Variants in KIAA0825 observed in about 807,000 individuals in gnomAD.
KIAA0825 encodes the protein uncharacterized protein KIAA0825.
A neutral mutation model predicts 147.6 loss-of-function variants in KIAA0825; 119 were observed. The ratio of observed to expected loss-of-function variants is 0.81; its 90% CI spans 0.69 to 0.94. The LOEUF is 0.94. Ranked by LOEUF, KIAA0825 falls within the 40% of genes least tolerant of loss-of-function variation. The pLI, the probability that KIAA0825 is intolerant of heterozygous loss-of-function variation, is 0.00. For synonymous variants in KIAA0825, 470 were observed against 518.1 expected (o/e 0.91, Z 1.26); for missense variants, 1,381 against 1,472.7 (o/e 0.94, Z 1.02).
chr5:94,477,439 A>G (rs757863933), intron 6 of KIAA0825, among the ~76,000 whole-genome samples: 6 of 152,020 alleles, frequency 3.9e-5, no homozygotes, highest in Admixed American at 6.6e-5. Flanking sequence ...CCTTTTTCAC[A>G]TAAAACTTGA....
intron 20 of KIAA0825, among the ~76,000 whole-genome samples, chr5:94,331,150 GAA>G (rs980088213): frequency 5.4e-5 from 8 of 147,242 alleles, no homozygotes; most frequent in African/African-American, 1.7e-4. Flanking sequence ...AAAAAAGAAA[GAA>G]AGAGAGAGAG....
At chr5:94,290,855 GT>G (rs1777858191) in intron 20 of KIAA0825, among the ~76,000 whole-genome samples, 1 of 152,116 alleles carries the variant, frequency 6.6e-6, no homozygotes, top group African/African-American at 2.4e-5. Flanking sequence ...ATTCAATGTG[GT>G]TTTGATTTGC....
At chr5:94,162,174 C>T (rs368534429) in intron 20 of KIAA0825, among the ~76,000 whole-genome samples, 7 of 152,278 alleles carry the variant, frequency 4.6e-5, no homozygotes, top group African/African-American at 1.7e-4. Flanking sequence ...GGTTACTTAT[C>T]ATTTCCAGAG....
At chr5:94,351,052 T>C (rs10065225) in intron 20 of KIAA0825, among the ~76,000 whole-genome samples, 2,955 of 152,144 alleles carry the variant, frequency 0.019, 44 homozygotes, top group Non-Finnish European at 0.029. Context: ...AATGTAGTAC[T>C]GGAAGTCCTA....
intron 20 of KIAA0825, among the ~76,000 whole-genome samples, chr5:94,307,466 C>G (rs1318621488): frequency 1.3e-5 from 2 of 151,734 alleles, no homozygotes; most frequent in East Asian, 1.9e-4. Flanking sequence ...AGGGAATAGT[C>G]CTTTCTGTGG....
intron 15 of KIAA0825, among the ~76,000 whole-genome samples, chr5:94,409,408 C>G (rs1156379394): frequency 6.6e-6 from 1 of 152,068 alleles, no homozygotes; most frequent in Admixed American, 6.6e-5. Flanking sequence ...CTTTCAGGAT[C>G]CCAGTCCAAG....
chr5:94,245,607 A>G lies in KIAA0825; in HGVS notation c.3711-91483T>C, dbSNP rs537326909. On this transcript the variant is annotated intron_variant, in intron 20 of 20. Coordinates refer to ENST00000682413, the MANE Select transcript of KIAA0825 (RefSeq NM_001145678.3). ...TTTATTGACAAGTCTGTTCCTAGCTATCAACACTTTGATCTTGTCAGAGGA... is the reference window on the plus strand; with the variant it reads ...TTTATTGACAAGTCTGTTCCTAGCTGTCAACACTTTGATCTTGTCAGAGGA... Among the ~76,000 whole-genome samples, 3 of 152,222 alleles carry G rather than the reference A, an allele frequency of 2.0e-5. No homozygotes were observed. The South Asian group carries it at 6.2e-4, about 32-fold the overall frequency.
chr5:94,222,027 G>GTC lies in KIAA0825; in HGVS notation c.3711-67905_3711-67904dup, dbSNP rs201557374. ...CTTACTTCTTCACTGTCATTTAGTA[G>GTC]TCTCCCTCCCTTTATCTCTCAGGGC... On this transcript the variant is annotated intron_variant, in intron 20 of 20. Transcript: ENST00000682413. Among the ~76,000 whole-genome samples, 964 of 152,134 alleles carry GTC rather than the reference G, an allele frequency of 6.3e-3. 10 individuals carry two copies. The highest frequency in any genetic ancestry group is 0.023 in the African/African-American group (936 of 41,504).
intron 20 of KIAA0825, among the ~76,000 whole-genome samples, chr5:94,198,412 T>A (rs1489253999): frequency 6.6e-6 from 1 of 151,696 alleles, no homozygotes; most frequent in Non-Finnish European, 1.5e-5. Context: ...AGAGAGAGTT[T>A]AAATTTTTTT....
chr5:94,477,989 A>C (rs1282667273), intron 6 of KIAA0825, among the ~76,000 whole-genome samples: 1 of 152,172 alleles, frequency 6.6e-6, no homozygotes, highest in African/African-American at 2.4e-5. Context: ...ATTCTATGTT[A>C]TGATCTAACT....
In KIAA0825 at chr5:94,313,801, A is replaced by C. The variant is rs1258607061; in HGVS notation, c.3710+70567T>G. ...TAACATAGGAGCCAATATCCTAGCTATCAGTTTTCATACAGCCTAGCTGGA... is the reference window on the plus strand; with the variant it reads ...TAACATAGGAGCCAATATCCTAGCTCTCAGTTTTCATACAGCCTAGCTGGA... On this transcript the variant is annotated intron_variant, in intron 20 of 20. Transcript: ENST00000682413. 4.0e-5 allele frequency among the ~76,000 whole-genome samples: 6 copies of C among 151,544 alleles called. No individual in the cohort carries two copies. The East Asian group carries it at 1.2e-3, about 29-fold the overall frequency.
chr5:94,589,587 T>C (rs1267032582), intron 1 of KIAA0825, among the ~76,000 whole-genome samples: 1 of 152,162 alleles, frequency 6.6e-6, no homozygotes, highest in Non-Finnish European at 1.5e-5. Flanking sequence ...AAAATAACGC[T>C]CTATTACTTT....
Position 94,440,073 on chromosome 5 carries a change from G to C in KIAA0825, c.2406C>G (p.Leu802=). The change falls in exon 14 of 21, where the codon CTC becomes CTG. Residue 802 remains leucine, a synonymous_variant. Coordinates refer to ENST00000682413, the MANE Select transcript of KIAA0825 (RefSeq NM_001145678.3). The stretch of plus-strand genomic sequence containing the variant: ...TCCAGTTACAACGTGGCTGGGATAA[G>C]AGCAGTTTCAACTGACCCTCGGCTT... ...GLKAEGQLKL[L]LSQPRCNWNL... is the part of the protein sequence containing the mutation. 6.4e-7 allele frequency: 1 copy of C among 1,551,590 alleles called. No homozygotes were observed. The highest frequency in any genetic ancestry group is 8.7e-7 in the Non-Finnish European group (1 of 1,146,840).
At chr5:94,430,504 T>C (rs2150784148) in intron 14 of KIAA0825, among the ~76,000 whole-genome samples, 1 of 152,308 alleles carries the variant, frequency 6.6e-6, no homozygotes, top group Non-Finnish European at 1.5e-5. Context: ...ACTTAAAACA[T>C]CAAGTGCGCA....
intron 2 of KIAA0825, among the ~76,000 whole-genome samples, chr5:94,579,210 G>A (rs575206655): frequency 2.0e-5 from 3 of 152,208 alleles, no homozygotes; most frequent in South Asian, 4.1e-4. Context: ...GTGAGCCACT[G>A]CACCCAGAAA....
intron 12 of KIAA0825, among the ~76,000 whole-genome samples, chr5:94,454,884 G>A (rs180814116): frequency 1.3e-5 from 2 of 152,220 alleles, no homozygotes; most frequent in South Asian, 2.1e-4. Context: ...TATAAAACAT[G>A]TTAAATTCAC....
chr5:94,555,728 C>A (rs1264180120), intron 2 of KIAA0825, among the ~76,000 whole-genome samples: 1 of 152,102 alleles, frequency 6.6e-6, no homozygotes, highest in Non-Finnish European at 1.5e-5. Flanking sequence ...TTTCAATATG[C>A]AATCCTAGCC....
At chr5:94,278,785 A>G (rs1341592498) in intron 20 of KIAA0825, among the ~76,000 whole-genome samples, 1 of 152,102 alleles carries the variant, frequency 6.6e-6, no homozygotes, top group African/African-American at 2.4e-5. Flanking sequence ...GGGAAGTTCT[A>G]TATGCATCAT....
chr5:94,383,679 A>C, intron 20 of KIAA0825, among the ~76,000 whole-genome samples: 1 of 152,208 alleles, frequency 6.6e-6, no homozygotes, highest in East Asian at 1.9e-4. Context: ...AGTATTTAAA[A>C]ACCATGTTAA....
Sources: gnomAD v4.1 joint callset for allele counts (sites outside exome capture counted in the v4.1 genomes callset) on GRCh38, gnomAD v4.1.1 for gene constraint, MANE v1.5 for transcripts, NCBI Gene and HGNC (gene_info 2026-07-23, HGNC 2026-07-21) for gene names.